The following HS3ST5 variants were observed in gnomAD, a reference collection of about 807,000 sequenced individuals.
The protein encoded by HS3ST5 is heparan sulfate-glucosamine 3-sulfotransferase 5.
HS3ST5 carries 10 observed loss-of-function variants against 25.4 expected under a neutral mutation model. The ratio of observed to expected loss-of-function variants is 0.39; its 90% CI spans 0.24 to 0.67. The LOEUF (loss-of-function observed/expected upper bound fraction) is 0.67. HS3ST5 is among the 30% of genes least tolerant of loss of function. The pLI, the probability that HS3ST5 is intolerant of heterozygous loss-of-function variation, is 0.44. For synonymous variants in HS3ST5, 170 were observed against 162.4 expected, an observed-to-expected ratio of 1.05 and a Z score of -0.36; for missense variants, 324 against 420.7, an observed-to-expected ratio of 0.77 and a Z score of 2.01.
chr6:114,336,245 A>C (rs1442053066), intron 1 of HS3ST5, among the ~76,000 whole-genome samples: 2 of 152,252 alleles, frequency 1.3e-5, no homozygotes, highest in Admixed American at 1.3e-4. Context: ...CTCAATGCTA[A>C]GTATTTTACA....
chr6:114,058,744 C>G (rs941514863), intron 4 of HS3ST5: 1 of 153,394 alleles, frequency 6.5e-6, no homozygotes, highest in East Asian at 1.9e-4. Flanking sequence ...AATCTTGGAA[C>G]TTGCTGAGAT....
At chr6:114,117,959 A>G (rs79378493) in intron 3 of HS3ST5, among the ~76,000 whole-genome samples, 1,838 of 152,226 alleles carry the variant, frequency 0.012, 13 homozygotes, top group Middle Eastern at 0.058. Context: ...AATCAATTCT[A>G]TATATTATGC....
At chr6:114,164,805 A>G (rs1031664674) in intron 3 of HS3ST5, among the ~76,000 whole-genome samples, 1 of 152,216 alleles carries the variant, frequency 6.6e-6, no homozygotes, top group Non-Finnish European at 1.5e-5. Context: ...TAAACTCGGT[A>G]GGAATGCAAT....
intron 3 of HS3ST5, among the ~76,000 whole-genome samples, chr6:114,146,808 T>C (rs554354356): frequency 3.3e-5 from 5 of 152,318 alleles, no homozygotes; most frequent in African/African-American, 1.2e-4. Flanking sequence ...GCTTCTGCCA[T>C]GTGATATTCC....
intron 1 of HS3ST5, among the ~76,000 whole-genome samples, chr6:114,334,845 C>CGATT (rs1776544691): frequency 6.6e-6 from 1 of 152,120 alleles, no homozygotes. Flanking sequence ...TTATTTAAGT[C>CGATT]TATTTTAAAA....
intron 2 of HS3ST5, among the ~76,000 whole-genome samples, chr6:114,174,880 C>A (rs1935976627): frequency 6.6e-6 from 1 of 152,096 alleles, no homozygotes; most frequent in African/African-American, 2.4e-5. Context: ...GTAGTCCCAG[C>A]TACTCAAGAG....
intron 3 of HS3ST5, among the ~76,000 whole-genome samples, chr6:114,114,033 A>G (rs981459857): frequency 6.6e-6 from 1 of 152,066 alleles, no homozygotes; most frequent in Non-Finnish European, 1.5e-5. Flanking sequence ...CCTAACTGAG[A>G]GTGCTTATAT....
chr6:114,061,719 G>A (rs906325001), intron 4 of HS3ST5, among the ~76,000 whole-genome samples: 5 of 152,178 alleles, frequency 3.3e-5, no homozygotes, highest in African/African-American at 1.2e-4. Flanking sequence ...GGAGGCCAAG[G>A]CAGGTGGATC....
At chr6:114,107,524 C>T (rs1776052779) in intron 3 of HS3ST5, among the ~76,000 whole-genome samples, 1 of 152,134 alleles carries the variant, frequency 6.6e-6, no homozygotes, top group Non-Finnish European at 1.5e-5. Context: ...TTTGAAAGTT[C>T]CAGCCAGTGC....
chr6:114,094,107 T>C (rs900871807), intron 3 of HS3ST5, among the ~76,000 whole-genome samples: 5 of 151,916 alleles, frequency 3.3e-5, no homozygotes, highest in African/African-American at 9.7e-5. Context: ...GTTGTGTAAA[T>C]AGAAAAAAGG....
chr6:114,075,270 G>A (rs1207558555), intron 3 of HS3ST5, among the ~76,000 whole-genome samples: 2 of 152,190 alleles, frequency 1.3e-5, no homozygotes, highest in African/African-American at 4.8e-5. Context: ...CTCTTAGATT[G>A]GCAGTGAAGG....
intron 3 of HS3ST5, among the ~76,000 whole-genome samples, chr6:114,155,612 C>T (rs1015309720): frequency 6.6e-6 from 1 of 152,192 alleles, no homozygotes; most frequent in African/African-American, 2.4e-5. Context: ...TCGACCTCAT[C>T]TACCCTTTAA....
intron 2 of HS3ST5, among the ~76,000 whole-genome samples, chr6:114,171,234 T>G (rs1582677709): frequency 6.6e-6 from 1 of 152,212 alleles, no homozygotes. Flanking sequence ...AGCAAATGAT[T>G]TATAAGTGTG....
At chr6:114,156,643 A>G (rs1471077322) in intron 3 of HS3ST5, among the ~76,000 whole-genome samples, 1 of 152,150 alleles carries the variant, frequency 6.6e-6, no homozygotes, top group Admixed American at 6.5e-5. Context: ...CTCCTTTTTG[A>G]CAAATCTGGT....
At chr6:114,161,521 TTATATATATATATATATATATATATATA>T (rs59921019) in intron 3 of HS3ST5, among the ~76,000 whole-genome samples, 1,656 of 33,578 alleles carry the variant, frequency 0.049, 99 homozygotes, top group Non-Finnish European at 0.07. Flanking sequence ...TCCTGAAGTT[TTATATATATATATATATATATATATATA>T]TATATATATA....
At chr6:114,206,455 C>T (rs975573096) in intron 2 of HS3ST5, among the ~76,000 whole-genome samples, 2 of 152,128 alleles carry the variant, frequency 1.3e-5, no homozygotes, top group Non-Finnish European at 2.9e-5. Flanking sequence ...ATAAAACTAT[C>T]ATAAATTATA....
At chr6:114,202,496 T>G (rs1781073113) in intron 2 of HS3ST5, among the ~76,000 whole-genome samples, 1 of 152,200 alleles carries the variant, frequency 6.6e-6, no homozygotes, top group Non-Finnish European at 1.5e-5. Flanking sequence ...AAATAGTCAA[T>G]GAATATTTGA....
chr6:114,177,229 T>C (rs1309452044), intron 2 of HS3ST5, among the ~76,000 whole-genome samples: 1 of 152,192 alleles, frequency 6.6e-6, no homozygotes, highest in Non-Finnish European at 1.5e-5. Flanking sequence ...CCTTTTGAGA[T>C]GGGTTGCAAT....
chr6:114,099,569 A>T (rs1037940797), intron 3 of HS3ST5, among the ~76,000 whole-genome samples: 6 of 152,174 alleles, frequency 3.9e-5, no homozygotes, highest in Admixed American at 6.5e-5. Context: ...TGAAGTTTTC[A>T]TCATGTGTCT....
Sources: gnomAD v4.1 joint callset for allele counts (sites outside exome capture counted in the v4.1 genomes callset) on GRCh38, gnomAD v4.1.1 for gene constraint, MANE v1.5 for transcripts, NCBI Gene and HGNC (gene_info 2026-07-23, HGNC 2026-07-21) for gene names.